Variants in MBTPS1 observed in about 807,000 individuals in gnomAD.
MBTPS1 encodes the protein membrane-bound transcription factor site-1 protease.
In MBTPS1, 94 loss-of-function variants were observed where a neutral mutation model predicts 127.8. The ratio of observed to expected loss-of-function variants is 0.74; its 90% confidence interval spans 0.62 to 0.87. The LOEUF is 0.87. Ranked by LOEUF, MBTPS1 falls within the 40% of genes least tolerant of loss-of-function variation. The pLI is 0.00. For missense variants in MBTPS1, 1,636 were observed against 1,353.2 expected (o/e 1.21, Z -3.28); for synonymous variants, 632 against 509.4 (o/e 1.24, Z -3.24).
intron 18 of MBTPS1, among the ~76,000 whole-genome samples, chr16:84,065,212 G>A (rs1328154255): frequency 6.6e-6 from 1 of 151,230 alleles, no homozygotes; most frequent in African/African-American, 2.4e-5. Flanking sequence ...CTGCCTCCCA[G>A]GTTCAAGCGA....
chr16:84,074,654 T>C lies in MBTPS1; in HGVS notation c.1536A>G (p.Thr512=), dbSNP rs566085045. 2.2e-5 allele frequency: 35 copies of C among 1,614,084 alleles called. No individual in the cohort carries two copies. Among genetic ancestry groups the C allele is most frequent in the Non-Finnish European group, 2.7e-5 (32 of 1,180,006 alleles). Residue 512 remains threonine (T), a synonymous_variant, in exon 12 of 23, where the codon ACA becomes ACG. Coordinates refer to ENST00000343411, the MANE Select transcript of MBTPS1 (RefSeq NM_003791.4). ...SQPIYYGGMP[T]VVNVTILNGM... The stretch of plus-strand genomic sequence containing the variant: ...CGTTGAGGATGGTGACATTAACAAC[T>C]GTCGGCATTCCTCCATAGTAGATGG...
intron 1 of MBTPS1, among the ~76,000 whole-genome samples, chr16:84,113,682 T>C (rs146074349): frequency 6.6e-6 from 1 of 152,344 alleles, no homozygotes; most frequent in African/African-American, 2.4e-5. Context: ...AATTAGAACA[T>C]AATTTAGGTG....
At position 84,084,702 on chromosome 16, in the gene MBTPS1, T is replaced by C. The variant is rs544941627; in HGVS notation, c.1286+281A>G. On this transcript the variant is annotated intron_variant, in intron 10 of 22. Coordinates refer to ENST00000343411, the MANE Select transcript of MBTPS1 (RefSeq NM_003791.4). ...CAGTTCTAGCACATAAATGGGATAT[T>C]AGAAAACAGAACACAAACATAAAGA... Among the ~76,000 whole-genome samples the C allele has an allele frequency of 2.6e-5, 4 of 152,352 alleles. No homozygotes were observed. The East Asian group carries it at 7.7e-4, about 29-fold the overall frequency.
rs1275180637 is a variant in MBTPS1 at position 84,067,666 on chromosome 16, C to T, written c.2228+1G>A. On this transcript the variant is annotated splice_donor_variant, in intron 16 of 22. Transcript: ENST00000343411. LOFTEE classifies it high-confidence loss of function. Reference sequence around the variant, plus strand: ...CAAATACCAATGCGTATCAACAGTACCTTGTGTTTTCATCATAAAACTTCA... The same window carrying T: ...CAAATACCAATGCGTATCAACAGTATCTTGTGTTTTCATCATAAAACTTCA... The T allele has an allele frequency of 6.2e-7, 1 of 1,609,582 alleles. No individual in the cohort carries two copies. Among genetic ancestry groups the T allele is most frequent in the Non-Finnish European group, 8.5e-7 (1 of 1,176,300 alleles).
chr16:84,093,875 G>T (rs969783601), intron 4 of MBTPS1, 54 bp from the exon 5 acceptor site: 8 of 1,304,910 alleles, frequency 6.1e-6, no homozygotes, highest in Non-Finnish European at 5.5e-6. Context: ...CATCATTTTG[G>T]ATTTTGCCTA....
intron 10 of MBTPS1, 123 bp from the exon 11 acceptor site, chr16:84,082,031 G>A: frequency 1.7e-6 from 1 of 599,604 alleles, no homozygotes; most frequent in Non-Finnish European, 2.5e-6. Flanking sequence ...TCCAACAGGT[G>A]CTTGTCTGGC....
At chr16:84,054,712 G>A (rs1327903436) in intron 22 of MBTPS1, 67 bp from the exon 23 acceptor site, 2 of 1,271,968 alleles carry the variant, frequency 1.6e-6, no homozygotes, top group Non-Finnish European at 2.2e-6. Flanking sequence ...CTTTTTCTAT[G>A]ACGGCTGGAT....
At chr16:84,097,805 C>A (rs1389086684) in intron 3 of MBTPS1, among the ~76,000 whole-genome samples, 4 of 150,980 alleles carry the variant, frequency 2.6e-5, no homozygotes, top group Non-Finnish European at 4.4e-5. Context: ...TAAGTTTACA[C>A]CTGGTTTTAC....
chr16:84,078,280 C>G lies in MBTPS1; in HGVS notation c.1448+3467G>C, dbSNP rs1414431396. Among the ~76,000 whole-genome samples the G allele has an allele frequency of 2.0e-5, 3 of 150,350 alleles. No homozygotes were observed. In the East Asian group the frequency reaches 6.0e-4, roughly 30 times the overall value. ...TACCTAAGTTACCTGACGCTCTCAA[C>G]CCGGACCAGCAGTGCCACCTTACCT... On this transcript the variant is annotated intron_variant, in intron 11 of 22. Coordinates refer to ENST00000343411, the MANE Select transcript of MBTPS1 (RefSeq NM_003791.4).
intron 1 of MBTPS1, among the ~76,000 whole-genome samples, chr16:84,108,724 G>A (rs2086358889): frequency 6.6e-6 from 1 of 152,192 alleles, no homozygotes; most frequent in African/African-American, 2.4e-5. Context: ...GTATGTGAAG[G>A]GAGAGGCACC....
At chr16:84,107,120 A>G (rs943173228) in intron 1 of MBTPS1, among the ~76,000 whole-genome samples, 8 of 152,210 alleles carry the variant, frequency 5.3e-5, no homozygotes, top group Admixed American at 4.6e-4. Flanking sequence ...AGAGATGGCA[A>G]AAGACAGAGG....
intron 10 of MBTPS1, among the ~76,000 whole-genome samples, chr16:84,083,460 T>C (rs1412570366): frequency 3.7e-5 from 5 of 134,622 alleles, no homozygotes; most frequent in African/African-American, 1.7e-4. Context: ...ATCTACCCCT[T>C]TTTTTTTTTT....
chr16:84,059,015 G>C (rs1477681258), intron 21 of MBTPS1, among the ~76,000 whole-genome samples: 1 of 152,192 alleles, frequency 6.6e-6, no homozygotes, highest in Non-Finnish European at 1.5e-5. Flanking sequence ...ACAGGACTTA[G>C]AGCTCCAGCT....
At chr16:84,112,753 TC>T (rs1480557207) in intron 1 of MBTPS1, among the ~76,000 whole-genome samples, 1 of 150,622 alleles carries the variant, frequency 6.6e-6, no homozygotes, top group Non-Finnish European at 1.5e-5. Context: ...GACGGGCAGA[TC>T]ACCCGAGGTC....
At position 84,084,442 on chromosome 16, in the gene MBTPS1, G is replaced by A. The variant is rs1464599769; in HGVS notation, c.1286+541C>T. Among the ~76,000 whole-genome samples the A allele has an allele frequency of 9.2e-5, 14 of 152,214 alleles. No individual in the cohort carries two copies. The South Asian group carries it at 2.5e-3, about 27-fold the overall frequency. ...GTCCCCTTCACAAAAACAACAAATG[G>A]GTAACACTGTGAGAAGATGGATGTG... On this transcript the variant is annotated intron_variant, in intron 10 of 22. Coordinates refer to ENST00000343411, the MANE Select transcript of MBTPS1 (RefSeq NM_003791.4).
intron 3 of MBTPS1, among the ~76,000 whole-genome samples, chr16:84,098,002 G>C (rs2086201927): frequency 6.6e-6 from 1 of 151,834 alleles, no homozygotes; most frequent in South Asian, 2.1e-4. Flanking sequence ...AACAGAACTA[G>C]AAATTTGTTA....
intron 1 of MBTPS1, among the ~76,000 whole-genome samples, chr16:84,103,675 G>A (rs1237438294): frequency 1.3e-5 from 2 of 152,128 alleles, no homozygotes; most frequent in Non-Finnish European, 2.9e-5. Context: ...TTTGGTTTCT[G>A]GAAATATCAA....
At chr16:84,068,107 A>T (rs1347458348) in intron 15 of MBTPS1, among the ~76,000 whole-genome samples, 1 of 152,262 alleles carries the variant, frequency 6.6e-6, no homozygotes, top group African/African-American at 2.4e-5. Context: ...TAACTTAAAG[A>T]AAAAAGAGTA....
chr16:84,093,686 C>G, intron 5 of MBTPS1, 25 bp downstream of exon 5: 1 of 1,487,444 alleles, frequency 6.7e-7, no homozygotes, highest in Non-Finnish European at 9.4e-7. Flanking sequence ...CACATGACCA[C>G]GTTCTCACTG....
Sources: gnomAD v4.1 joint callset for allele counts (sites outside exome capture counted in the v4.1 genomes callset) on GRCh38, gnomAD v4.1.1 for gene constraint, MANE v1.5 for transcripts, NCBI Gene and HGNC (gene_info 2026-07-23, HGNC 2026-07-21) for gene names.